Variants in NALF1 observed in about 807,000 individuals in gnomAD.
The protein encoded by NALF1 is NALCN channel auxiliary factor 1, also known as family with sequence similarity 155 member A.
NALF1 carries 3 observed loss-of-function variants against 48.4 expected under a neutral mutation model. That is an observed-to-expected ratio of 0.06 (90% confidence interval 0.03 to 0.16). The LOEUF (loss-of-function observed/expected upper bound fraction) is 0.16, where lower values mean the gene tolerates loss of function less well. Among genes scored for constraint, NALF1 ranks in the 10% least tolerant of loss-of-function variants. NALF1 has a pLI of 1.00. For missense variants in NALF1, 526 were observed against 571.5 expected (o/e 0.92, Z 0.81); for synonymous variants, 262 against 245.7 (o/e 1.07, Z -0.62).
At chr13:107,476,836 C>T (rs1023635023) in intron 1 of NALF1, among the ~76,000 whole-genome samples, 14 of 151,980 alleles carry the variant, frequency 9.2e-5, no homozygotes, top group African/African-American at 3.4e-4. Flanking sequence ...TACAAGTGTT[C>T]TTCTAATGAG....
intron 1 of NALF1, among the ~76,000 whole-genome samples, chr13:107,300,968 A>T (rs1035238740): frequency 6.6e-6 from 1 of 152,234 alleles, no homozygotes; most frequent in African/African-American, 2.4e-5. Context: ...TTTCTTATGC[A>T]TTCTTAAATC....
At chr13:107,333,682 G>C (rs992857363) in intron 1 of NALF1, among the ~76,000 whole-genome samples, 4 of 152,192 alleles carry the variant, frequency 2.6e-5, no homozygotes, top group Non-Finnish European at 4.4e-5. Flanking sequence ...TCATATACTT[G>C]AGCTGTTTTA....
intron 1 of NALF1, among the ~76,000 whole-genome samples, chr13:107,729,840 A>C (rs978487605): frequency 1.3e-5 from 2 of 152,218 alleles, no homozygotes; most frequent in Admixed American, 1.3e-4. Flanking sequence ...CGGAGGGTGT[A>C]GCTGCCGTGG....
intron 1 of NALF1, among the ~76,000 whole-genome samples, chr13:107,478,373 G>T (rs943613889): frequency 6.6e-6 from 1 of 152,004 alleles, no homozygotes; most frequent in Non-Finnish European, 1.5e-5. Context: ...ATCTAATCAT[G>T]TAATTTGGTT....
chr13:107,303,779 C>T (rs1239298371), intron 1 of NALF1, among the ~76,000 whole-genome samples: 1 of 151,966 alleles, frequency 6.6e-6, no homozygotes, highest in East Asian at 1.9e-4. Flanking sequence ...AGAAAAAGCC[C>T]ACTCAAAAAT....
At chr13:107,256,217 A>G (rs1330964320) in intron 1 of NALF1, among the ~76,000 whole-genome samples, 1 of 152,200 alleles carries the variant, frequency 6.6e-6, no homozygotes, top group African/African-American at 2.4e-5. Context: ...ACTTTGTTGT[A>G]CTGCTGTCTG....
At chr13:107,423,312 G>C (rs1015865291) in intron 1 of NALF1, among the ~76,000 whole-genome samples, 24 of 152,256 alleles carry the variant, frequency 1.6e-4, no homozygotes, top group African/African-American at 5.8e-4. Flanking sequence ...GGAAAAATAA[G>C]AAGGAAAGAT....
At chr13:107,613,085 G>A (rs1879282729) in intron 1 of NALF1, among the ~76,000 whole-genome samples, 1 of 151,986 alleles carries the variant, frequency 6.6e-6, no homozygotes, top group African/African-American at 2.4e-5. Context: ...GGGCATCAAA[G>A]GTGAGGACTC....
Position 107,307,025 on chromosome 13 carries a change from T to C in NALF1, c.916-96270A>G, listed in dbSNP as rs546187020. 2.0e-5 allele frequency among the ~76,000 whole-genome samples: 3 copies of C among 152,350 alleles called. No homozygotes were observed. In the South Asian group the frequency reaches 6.2e-4, roughly 32 times the overall value. Reference sequence around the variant, plus strand: ...CGTTTTTGCCATGGGAAGTCTCATCTGAAATGCCTGACTTTATATGTTTCT... The same window carrying C: ...CGTTTTTGCCATGGGAAGTCTCATCCGAAATGCCTGACTTTATATGTTTCT... On this transcript the variant is annotated intron_variant, in intron 1 of 2. Coordinates refer to ENST00000375915, the MANE Select transcript of NALF1 (RefSeq NM_001080396.3).
intron 1 of NALF1, among the ~76,000 whole-genome samples, chr13:107,281,708 A>G (rs1881390942): frequency 6.6e-6 from 1 of 152,154 alleles, no homozygotes; most frequent in Non-Finnish European, 1.5e-5. Flanking sequence ...TTTATGAAGG[A>G]AAGAGGTTTA....
chr13:107,272,109 TG>T (rs1266713315), intron 1 of NALF1, among the ~76,000 whole-genome samples: 1 of 151,670 alleles, frequency 6.6e-6, no homozygotes, highest in East Asian at 1.9e-4. Context: ...TATTTGTACA[TG>T]TATATAATAT....
intron 1 of NALF1, among the ~76,000 whole-genome samples, chr13:107,746,924 C>T (rs1290847060): frequency 1.3e-5 from 2 of 152,070 alleles, no homozygotes; most frequent in African/African-American, 4.8e-5. Flanking sequence ...AAATGTAAGA[C>T]CTGAAGCTGT....
intron 1 of NALF1, among the ~76,000 whole-genome samples, chr13:107,520,837 C>T (rs1876213072): frequency 6.6e-6 from 1 of 152,030 alleles, no homozygotes; most frequent in South Asian, 2.1e-4. Flanking sequence ...AAGGTGATGC[C>T]AAGCCCAGGG....
chr13:107,533,812 A>C (rs1399255971), intron 1 of NALF1, among the ~76,000 whole-genome samples: 39 of 152,154 alleles, frequency 2.6e-4, no homozygotes, highest in Admixed American at 2.5e-3. Context: ...GTCTTCCGTT[A>C]AGGTCTCAGG....
At chr13:107,388,441 T>G (rs762768681) in intron 1 of NALF1, among the ~76,000 whole-genome samples, 2 of 152,200 alleles carry the variant, frequency 1.3e-5, no homozygotes, top group African/African-American at 4.8e-5. Flanking sequence ...TGTTAGATTC[T>G]TATTCATATG....
chr13:107,314,255 T>C (rs1264678316), intron 1 of NALF1, among the ~76,000 whole-genome samples: 1 of 152,144 alleles, frequency 6.6e-6, no homozygotes, highest in African/African-American at 2.4e-5. Flanking sequence ...AATTAGGCTT[T>C]AGGCCCCCAG....
Position 107,553,892 on chromosome 13 carries a change from T to C in NALF1, c.915+311790A>G, listed in dbSNP as rs1247242766. ...ACTTATCCTATCCCCAATTCTACTT[T>C]AGTTAAGTAAGTGCCTGGCAAAGTC... On this transcript the variant is annotated intron_variant, in intron 1 of 2. Coordinates refer to ENST00000375915, the MANE Select transcript of NALF1 (RefSeq NM_001080396.3). Among the ~76,000 whole-genome samples the C allele has an allele frequency of 4.0e-5, 6 of 149,222 alleles. 1 individual carries two copies. In the East Asian group the frequency reaches 5.8e-4, roughly 14 times the overall value.
At chr13:107,484,214 T>C (rs933507890) in intron 1 of NALF1, among the ~76,000 whole-genome samples, 1 of 152,192 alleles carries the variant, frequency 6.6e-6, no homozygotes, top group African/African-American at 2.4e-5. Flanking sequence ...TTTCAATATA[T>C]TGCAGTAATT....
chr13:107,859,212 A>C (rs2138648500), intron 1 of NALF1, among the ~76,000 whole-genome samples: 1 of 152,346 alleles, frequency 6.6e-6, no homozygotes, highest in African/African-American at 2.4e-5. Flanking sequence ...TAATGTTGAT[A>C]GAACTCATTT....
Sources: gnomAD v4.1 joint callset for allele counts (sites outside exome capture counted in the v4.1 genomes callset) on GRCh38, gnomAD v4.1.1 for gene constraint, MANE v1.5 for transcripts, NCBI Gene and HGNC (gene_info 2026-07-23, HGNC 2026-07-21) for gene names.